The following FAM13A variants were observed in gnomAD, a reference collection of about 807,000 sequenced individuals.
The protein encoded by FAM13A is family with sequence similarity 13 member A.
FAM13A carries 76 observed loss-of-function variants against 129.6 expected under a neutral mutation model. The ratio of observed to expected loss-of-function variants is 0.59; its 90% CI spans 0.49 to 0.71. The LOEUF is 0.71. FAM13A is among the 30% of genes least tolerant of loss of function. The pLI, the probability that FAM13A is intolerant of heterozygous loss-of-function variation, is 0.00. For synonymous variants in FAM13A, 443 were observed against 449.9 expected (o/e 0.98, Z 0.20); for missense variants, 1,108 against 1,249.3 (o/e 0.89, Z 1.70).
rs1754152628 is a variant in FAM13A, at chr4:88,938,236, G to A, written c.611C>T (p.Pro204Leu). The A allele has an allele frequency of 2.5e-6, 4 of 1,600,806 alleles. No homozygotes were observed. Among genetic ancestry groups the A allele is most frequent in the South Asian group, 2.3e-5 (2 of 88,016 alleles). The change falls in exon 5 of 24, where the codon CCA (proline) becomes CTA (leucine). Residue 204 changes from proline (P) to leucine (L), a missense_variant. Transcript: ENST00000264344. ...TVFGPNCFHV[P>L]PGLEGMKEQD... ...TTCCTTCATGCCTTCAAGCCCAGGT[G>A]GCACACTAGAAACAAGAAAGGGAAA...
chr4:88,976,138 G>T (rs561900574), intron 4 of FAM13A, among the ~76,000 whole-genome samples: 1 of 152,190 alleles, frequency 6.6e-6, no homozygotes. Flanking sequence ...TTTAAAAATA[G>T]TATTAGCAGA....
chr4:88,820,751 G>A (rs1451314919), intron 7 of FAM13A, among the ~76,000 whole-genome samples: 2 of 152,192 alleles, frequency 1.3e-5, no homozygotes, highest in African/African-American at 4.8e-5. Context: ...AGATTTGGAT[G>A]CAGTGAGTCT....
Position 88,924,217 on chromosome 4 carries a change from T to C in FAM13A, c.759+13871A>G, listed in dbSNP as rs533299887. On this transcript the variant is annotated intron_variant, in intron 5 of 23. Coordinates refer to ENST00000264344, the MANE Select transcript of FAM13A (RefSeq NM_014883.4). The stretch of plus-strand genomic sequence containing the variant: ...GGAAAAAACTACTTTAAAGTTCATA[T>C]GGAACCCAAAAAGAGCCCGCATCGC... Among the ~76,000 whole-genome samples the C allele has an allele frequency of 2.0e-3, 308 of 152,282 alleles. 2 individuals carry two copies. Among genetic ancestry groups the C allele is most frequent in the African/African-American group, 6.9e-3 (285 of 41,550 alleles).
intron 8 of FAM13A, among the ~76,000 whole-genome samples, chr4:88,803,708 T>C (rs191057980): frequency 6.4e-4 from 97 of 152,302 alleles, no homozygotes; most frequent in Middle Eastern, 6.8e-3. Flanking sequence ...ATGGACCACG[T>C]TGTCTCATAC....
chr4:88,933,002 A>G (rs962702009), intron 5 of FAM13A, among the ~76,000 whole-genome samples: 3 of 152,196 alleles, frequency 2.0e-5, no homozygotes, highest in Admixed American at 6.5e-5. Context: ...TAAAATGACT[A>G]TTGATTACTT....
chr4:88,944,251 C>T (rs896167977), intron 4 of FAM13A, among the ~76,000 whole-genome samples: 1 of 152,148 alleles, frequency 6.6e-6, no homozygotes, highest in African/African-American at 2.4e-5. Context: ...ACCCAGGAGG[C>T]TGAAGTGGGA....
intron 20 of FAM13A, among the ~76,000 whole-genome samples, chr4:88,738,124 T>A (rs981981769): frequency 2.0e-5 from 3 of 152,310 alleles, no homozygotes; most frequent in South Asian, 2.1e-4. Context: ...CCTTTCTTCA[T>A]TAAATACATT....
At chr4:88,863,319 C>T (rs2125408) in intron 6 of FAM13A, among the ~76,000 whole-genome samples, 15,686 of 147,022 alleles carry the variant, frequency 0.11, 967 homozygotes, top group East Asian at 0.14. Context: ...GGAGAGCTTC[C>T]AGGTTGGTGA....
chr4:88,899,007 T>C (rs1016727613), intron 6 of FAM13A, among the ~76,000 whole-genome samples: 20 of 151,636 alleles, frequency 1.3e-4, no homozygotes, highest in African/African-American at 4.6e-4. Context: ...ATTGCAAAAA[T>C]ATGGAACCAG....
At chr4:88,754,334 C>T (rs892179217) in intron 14 of FAM13A, among the ~76,000 whole-genome samples, 2 of 152,130 alleles carry the variant, frequency 1.3e-5, no homozygotes, top group Non-Finnish European at 2.9e-5. Context: ...ATGGATATAA[C>T]GGAAATTTTC....
At chr4:88,931,943 A>G (rs527489473) in intron 5 of FAM13A, among the ~76,000 whole-genome samples, 1 of 152,334 alleles carries the variant, frequency 6.6e-6, no homozygotes, top group African/African-American at 2.4e-5. Context: ...AACAACAAAA[A>G]GCCAAAAACA....
chr4:88,995,892 A>G (rs1453876629), intron 3 of FAM13A, among the ~76,000 whole-genome samples: 1 of 152,196 alleles, frequency 6.6e-6, no homozygotes, highest in Admixed American at 6.5e-5. Flanking sequence ...AATATATGTG[A>G]AGTGGTAACA....
intron 7 of FAM13A, chr4:88,823,365 CCCT>C (rs1561090031): frequency 3.8e-5 from 39 of 1,020,928 alleles, no homozygotes; most frequent in East Asian, 1.6e-4. Context: ...CCTCAATGGT[CCCT>C]CCTCCTCCTC....
intron 4 of FAM13A, among the ~76,000 whole-genome samples, chr4:88,969,466 G>C (rs1759784672): frequency 6.6e-6 from 1 of 152,132 alleles, no homozygotes; most frequent in African/African-American, 2.4e-5. Context: ...TCATAGACAG[G>C]TTCAGGTAGA....
intron 4 of FAM13A, among the ~76,000 whole-genome samples, chr4:88,980,855 A>G (rs538572541): frequency 2.0e-5 from 3 of 152,314 alleles, no homozygotes; most frequent in East Asian, 3.9e-4. Context: ...AATTTAGCTG[A>G]TATCATTTAA....
chr4:88,870,132 A>AG (rs1389049911), intron 6 of FAM13A, among the ~76,000 whole-genome samples: 1 of 151,894 alleles, frequency 6.6e-6, no homozygotes, highest in East Asian at 1.9e-4. Context: ...AAAAAAAAAA[A>AG]AAATGAACAG....
chr4:88,987,532 A>G (rs1481104777), intron 4 of FAM13A, among the ~76,000 whole-genome samples: 1 of 152,152 alleles, frequency 6.6e-6, no homozygotes, highest in South Asian at 2.1e-4. Context: ...TAAGGATACA[A>G]TATCACTGAT....
intron 1 of FAM13A, among the ~76,000 whole-genome samples, chr4:89,035,702 G>C (rs1200268395): frequency 6.6e-6 from 1 of 152,094 alleles, no homozygotes; most frequent in East Asian, 1.9e-4. Context: ...GATAGTGAGT[G>C]AGTCCTCACA....
intron 11 of FAM13A, among the ~76,000 whole-genome samples, chr4:88,769,195 C>A (rs1434991005): frequency 2.6e-5 from 4 of 152,152 alleles, no homozygotes; most frequent in African/African-American, 9.7e-5. Context: ...ATGAAGTTGG[C>A]ATTTACAACA....
Sources: gnomAD v4.1 joint callset for allele counts (sites outside exome capture counted in the v4.1 genomes callset) on GRCh38, gnomAD v4.1.1 for gene constraint, MANE v1.5 for transcripts, NCBI Gene and HGNC (gene_info 2026-07-23, HGNC 2026-07-21) for gene names.